CDH2: variants seen among roughly 807,000 people sequenced by gnomAD.
CDH2 encodes the protein cadherin-2.
A neutral mutation model predicts 92.0 loss-of-function variants in CDH2; 17 were observed. The ratio of observed to expected loss-of-function variants is 0.18; its 90% CI spans 0.13 to 0.28. The LOEUF (loss-of-function observed/expected upper bound fraction) is 0.28. Among genes scored for constraint, CDH2 ranks in the 10% least tolerant of loss-of-function variants. The pLI is 1.00. For synonymous variants in CDH2, 419 were observed against 415.9 expected (o/e 1.01, Z -0.09); for missense variants, 862 against 1,133.1 (o/e 0.76, Z 3.44).
intron 1 of CDH2, chr18:28,168,645 A>G (rs1486871613): frequency 2.2e-6 from 1 of 450,678 alleles, no homozygotes; most frequent in African/African-American, 2.1e-5. Flanking sequence ...AAGAACTTTT[A>G]AAAACTGATT....
chr18:27,958,703 T>C lies in CDH2; in HGVS notation c.2514+4654A>G, dbSNP rs57258182. 9.9e-3 allele frequency among the ~76,000 whole-genome samples: 1,507 copies of C among 152,266 alleles called. 27 individuals carry two copies. Among genetic ancestry groups the C allele is most frequent in the African/African-American group, 0.034 (1,419 of 41,538 alleles). ...ACTTTGTCCCCACCCAAATCTCATCTTGAATTGTAGTTCCATATTTCCCAT... is the reference window on the plus strand; with the variant it reads ...ACTTTGTCCCCACCCAAATCTCATCCTGAATTGTAGTTCCATATTTCCCAT... On this transcript the variant is annotated intron_variant, in intron 15 of 15. Coordinates refer to ENST00000269141, the MANE Select transcript of CDH2 (RefSeq NM_001792.5).
At chr18:28,161,904 C>A (rs1306616241) in intron 1 of CDH2, among the ~76,000 whole-genome samples, 2 of 152,148 alleles carry the variant, frequency 1.3e-5, no homozygotes, top group Non-Finnish European at 2.9e-5. Flanking sequence ...GTCAGAGCCA[C>A]GCCACCTATG....
chr18:28,163,179 G>A (rs1309784886), intron 1 of CDH2, among the ~76,000 whole-genome samples: 1 of 152,140 alleles, frequency 6.6e-6, no homozygotes, highest in Non-Finnish European at 1.5e-5. Context: ...GCCAAAATGA[G>A]ACATTATTAT....
chr18:27,984,919 C>T, intron 13 of CDH2, 81 bp downstream of exon 13: 1 of 1,078,844 alleles, frequency 9.3e-7, no homozygotes, highest in Non-Finnish European at 1.4e-6. Context: ...ACTACTTTGC[C>T]AGGCAATAGC....
At chr18:28,153,629 T>G (rs2016160826) in intron 1 of CDH2, among the ~76,000 whole-genome samples, 4 of 152,204 alleles carry the variant, frequency 2.6e-5, no homozygotes, top group Admixed American at 1.3e-4. Context: ...TCAGACTGCC[T>G]GGCTTTAAAT....
chr18:28,107,749 A>G (rs1020150719), intron 2 of CDH2, among the ~76,000 whole-genome samples: 3 of 152,180 alleles, frequency 2.0e-5, no homozygotes, highest in African/African-American at 7.2e-5. Context: ...CTTTGGGGAC[A>G]AAAAAGTGGA....
chr18:27,948,614 A>G (rs1387377312), downstream of CDH2, among the ~76,000 whole-genome samples: 1 of 152,002 alleles, frequency 6.6e-6, no homozygotes, highest in Non-Finnish European at 1.5e-5. Context: ...ATAACTCAAC[A>G]GGGAAAATAA....
intron 2 of CDH2, among the ~76,000 whole-genome samples, chr18:28,058,695 T>C (rs1471296653): frequency 6.6e-6 from 1 of 152,212 alleles, no homozygotes; most frequent in Non-Finnish European, 1.5e-5. Flanking sequence ...AGAGATTCCT[T>C]AGTATACTTA....
intron 2 of CDH2, among the ~76,000 whole-genome samples, chr18:28,037,151 C>CA (rs1051840133): frequency 3.3e-5 from 5 of 151,924 alleles, no homozygotes; most frequent in African/African-American, 1.2e-4. Flanking sequence ...GATTAAATGT[C>CA]AAAAAAAGTG....
chr18:28,173,689 G>A (rs1043835491), intron 1 of CDH2, among the ~76,000 whole-genome samples: 17 of 152,074 alleles, frequency 1.1e-4, no homozygotes, highest in African/African-American at 4.1e-4. Context: ...TGTCCTAGAT[G>A]CCCCATAACC....
intron 2 of CDH2, among the ~76,000 whole-genome samples, chr18:28,107,962 A>C (rs2015350111): frequency 6.6e-6 from 1 of 152,200 alleles, no homozygotes; most frequent in Admixed American, 6.5e-5. Context: ...TACTGATGAG[A>C]TTTATCTTCA....
chr18:27,961,804 A>AAAAGT (rs756498938), intron 15 of CDH2, among the ~76,000 whole-genome samples: 2 of 152,124 alleles, frequency 1.3e-5, no homozygotes, highest in East Asian at 1.9e-4. Context: ...CTGGCTTCAA[A>AAAAGT]AAAGTATGGT....
At position 28,042,162 on chromosome 18, in the gene CDH2, TAAG is replaced by T. The variant is rs147215576; in HGVS notation, c.173-28256_173-28254del. On this transcript the variant is annotated intron_variant, in intron 2 of 15. Transcript: ENST00000269141. ...TCTAGTCTTAATTTTAATATAAATG[TAAG>T]AAACTTAAAATTGTTAGTATTATTA... Among the ~76,000 whole-genome samples the T allele has an allele frequency of 5.1e-4, 77 of 152,328 alleles. 1 individual carries two copies. In the East Asian group the frequency reaches 0.014, roughly 28 times the overall value.
intron 1 of CDH2, among the ~76,000 whole-genome samples, chr18:28,150,435 A>G (rs1012535655): frequency 4.6e-5 from 7 of 152,236 alleles, no homozygotes; most frequent in African/African-American, 1.4e-4. Context: ...CAGGAGAATC[A>G]GCGGCACCAA....
chr18:28,021,895 G>T (rs996203639), intron 2 of CDH2, among the ~76,000 whole-genome samples: 2 of 151,740 alleles, frequency 1.3e-5, no homozygotes, highest in African/African-American at 4.8e-5. Context: ...CATACTAATT[G>T]CTATTTTCAA....
At chr18:28,038,148 G>A (rs2013873550) in intron 2 of CDH2, among the ~76,000 whole-genome samples, 1 of 152,066 alleles carries the variant, frequency 6.6e-6, no homozygotes. Flanking sequence ...TGAGGGCTGG[G>A]TGCAGTGGCT....
intron 2 of CDH2, among the ~76,000 whole-genome samples, chr18:28,135,015 T>C (rs866828212): frequency 6.6e-6 from 1 of 152,100 alleles, no homozygotes; most frequent in African/African-American, 2.4e-5. Context: ...TGGACAGAAG[T>C]GCGAACACAA....
At chr18:28,074,698 T>C (rs1478891008) in intron 2 of CDH2, among the ~76,000 whole-genome samples, 1 of 151,862 alleles carries the variant, frequency 6.6e-6, no homozygotes, top group Non-Finnish European at 1.5e-5. Context: ...GCCCTTTTTT[T>C]TTTTTAACTA....
intron 2 of CDH2, among the ~76,000 whole-genome samples, chr18:28,101,714 A>C (rs898248931): frequency 2.0e-5 from 3 of 152,164 alleles, no homozygotes; most frequent in Non-Finnish European, 4.4e-5. Flanking sequence ...CTTTTCTGCC[A>C]TCCAGGAAAC....
Sources: gnomAD v4.1 joint callset for allele counts (sites outside exome capture counted in the v4.1 genomes callset) on GRCh38, gnomAD v4.1.1 for gene constraint, MANE v1.5 for transcripts, NCBI Gene and HGNC (gene_info 2026-07-23, HGNC 2026-07-21) for gene names.